Variants in RHBDD1 observed in about 807,000 individuals in gnomAD.
RHBDD1 encodes the protein rhomboid-related protein 4.
Under a neutral mutation model 36.3 loss-of-function variants are expected in RHBDD1, and 38 were observed. The observed-to-expected ratio is 1.05, with a 90% confidence interval of 0.81 to 1.37. The LOEUF (loss-of-function observed/expected upper bound fraction) is 1.37. RHBDD1 is among the 40% of genes most tolerant of loss of function. The pLI is 0.00. For missense variants in RHBDD1, 393 were observed against 377.6 expected (o/e 1.04, Z -0.34); for synonymous variants, 151 against 136.5 (o/e 1.11, Z -0.74).
intron 3 of RHBDD1, among the ~76,000 whole-genome samples, chr2:226,860,447 A>G (rs1166705441): frequency 6.6e-6 from 1 of 152,178 alleles, no homozygotes; most frequent in African/African-American, 2.4e-5. Context: ...ATTTCTATGT[A>G]TTTGATGGGC....
At chr2:226,850,482 A>C (rs1054079227) in intron 3 of RHBDD1, among the ~76,000 whole-genome samples, 1 of 152,100 alleles carries the variant, frequency 6.6e-6, no homozygotes, top group Non-Finnish European at 1.5e-5. Flanking sequence ...GATTTATGGC[A>C]TCAGAATGAC....
rs13418137 is a variant in RHBDD1 at position 226,907,787 on chromosome 2, C to T, written c.655+906C>T. On this transcript the variant is annotated intron_variant, in intron 6 of 8. Transcript: ENST00000392062. ...ATTTAAGCAGATCCTCATTTTCCCA[C>T]GTTTGCTTATTAATGTGTTTCCACT... Among the ~76,000 whole-genome samples the T allele has an allele frequency of 4.7e-3, 711 of 152,252 alleles. 6 individuals carry two copies. Among genetic ancestry groups the T allele is most frequent in the African/African-American group, 0.016 (672 of 41,554 alleles).
At chr2:226,990,957 A>G (rs1336571617) in intron 8 of RHBDD1, among the ~76,000 whole-genome samples, 1 of 152,180 alleles carries the variant, frequency 6.6e-6, no homozygotes, top group East Asian at 1.9e-4. Context: ...TTAAGCAGAG[A>G]AAAGAAGATC....
intron 8 of RHBDD1, among the ~76,000 whole-genome samples, chr2:226,953,741 T>C (rs1394327659): frequency 6.6e-6 from 1 of 152,238 alleles, no homozygotes. Context: ...GAGAAGCATC[T>C]GTGAACAACT....
At chr2:226,992,199 GAGACTGAGTGGACAGCCAGGA>G (rs1958384326) in intron 8 of RHBDD1, among the ~76,000 whole-genome samples, 1 of 152,230 alleles carries the variant, frequency 6.6e-6, no homozygotes, top group Non-Finnish European at 1.5e-5. Context: ...GAGTGTACCT[GAGACTGAGTGGACAGCCAGGA>G]AGCCTTGTGC....
At chr2:226,955,331 G>A (rs967095805) in intron 8 of RHBDD1, among the ~76,000 whole-genome samples, 5 of 152,250 alleles carry the variant, frequency 3.3e-5, no homozygotes, top group Non-Finnish European at 7.3e-5. Context: ...AAAGTTTGCG[G>A]TGTTTTGCAT....
chr2:226,924,624 C>T (rs1949549861), intron 8 of RHBDD1, among the ~76,000 whole-genome samples: 2 of 152,158 alleles, frequency 1.3e-5, no homozygotes, highest in African/African-American at 4.8e-5. Flanking sequence ...GACTACCTTT[C>T]AAGTTTATTT....
chr2:226,902,395 C>G (rs1559249985), intron 5 of RHBDD1, among the ~76,000 whole-genome samples: 1 of 152,156 alleles, frequency 6.6e-6, no homozygotes, highest in Non-Finnish European at 1.5e-5. Flanking sequence ...GGTAAAGTGC[C>G]CTAACCCTAG....
chr2:226,829,973 T>C, the RHBDD1 span, among the ~76,000 whole-genome samples: 2 of 151,888 alleles, frequency 1.3e-5, no homozygotes, highest in East Asian at 1.9e-4. Flanking sequence ...ATATTGACTG[T>C]AGGTTTTTTT....
At chr2:226,942,233 G>A (rs577866584) in intron 8 of RHBDD1, among the ~76,000 whole-genome samples, 26 of 142,526 alleles carry the variant, frequency 1.8e-4, no homozygotes, top group African/African-American at 6.9e-4. Flanking sequence ...ATTGGCTGTC[G>A]TGATCATCTT....
At chr2:226,879,246 G>A (rs1945507997) in intron 5 of RHBDD1, among the ~76,000 whole-genome samples, 1 of 152,148 alleles carries the variant, frequency 6.6e-6, no homozygotes, top group Non-Finnish European at 1.5e-5. Flanking sequence ...GCTTTAAACT[G>A]GCTACTAGTT....
intron 8 of RHBDD1, chr2:226,969,082 G>T: frequency 4.9e-6 from 1 of 206,020 alleles, no homozygotes; most frequent in African/African-American, 2.3e-5. Flanking sequence ...AATGTGAGAT[G>T]GGCTCCACCA....
chr2:226,970,963 C>T (rs1307848927), intron 8 of RHBDD1, among the ~76,000 whole-genome samples: 2 of 152,160 alleles, frequency 1.3e-5, no homozygotes, highest in Admixed American at 1.3e-4. Context: ...TCCTATCTGT[C>T]CCACAGATCC....
chr2:226,996,451 C>A lies in RHBDD1; in HGVS notation c.*929C>A, dbSNP rs887453735. Reference sequence around the variant, plus strand: ...CACGCCCTTGGGCCCCGCCACGTTACAATCCACAGATTGTCTGTCTGAGTC... The same window carrying A: ...CACGCCCTTGGGCCCCGCCACGTTAAAATCCACAGATTGTCTGTCTGAGTC... On this transcript the variant is annotated 3_prime_UTR_variant, in exon 9 of 9. Transcript: ENST00000392062. The A allele has an allele frequency of 3.9e-5, 6 of 152,248 alleles. No homozygotes were observed. Among genetic ancestry groups the A allele is most frequent in the African/African-American group, 1.2e-4 (5 of 41,456 alleles). 9.4% of individuals were successfully genotyped at this position (152,248 alleles called of 1,614,324 possible).
chr2:226,963,557 G>C (rs1952386649), intron 8 of RHBDD1, among the ~76,000 whole-genome samples: 1 of 152,068 alleles, frequency 6.6e-6, no homozygotes, highest in African/African-American at 2.4e-5. Flanking sequence ...TTCCTTTCCA[G>C]TTCATTGATT....
chr2:226,810,940 C>T, the RHBDD1 span: 1 of 152,050 alleles, frequency 6.6e-6, no homozygotes, highest in Non-Finnish European at 1.5e-5. Context: ...AGGACTCATC[C>T]CACCTTTGCC....
chr2:226,836,612 G>T (rs80264325), intron 1 of RHBDD1, among the ~76,000 whole-genome samples: 1,962 of 152,288 alleles, frequency 0.013, 46 homozygotes, highest in African/African-American at 0.045. Context: ...ACGTTTACAA[G>T]AAACGGATCA....
intron 8 of RHBDD1, among the ~76,000 whole-genome samples, chr2:226,922,774 G>T (rs966510958): frequency 6.6e-6 from 1 of 151,596 alleles, no homozygotes; most frequent in South Asian, 2.1e-4. Flanking sequence ...TATTTTTTGT[G>T]TATCTGTTGT....
At chr2:226,954,903 C>T (rs1951685805) in intron 8 of RHBDD1, among the ~76,000 whole-genome samples, 1 of 151,788 alleles carries the variant, frequency 6.6e-6, no homozygotes, top group African/African-American at 2.4e-5. Flanking sequence ...AATACATGTT[C>T]ATACACGTAT....
Sources: gnomAD v4.1 joint callset for allele counts (sites outside exome capture counted in the v4.1 genomes callset) on GRCh38, gnomAD v4.1.1 for gene constraint, MANE v1.5 for transcripts, NCBI Gene and HGNC (gene_info 2026-07-23, HGNC 2026-07-21) for gene names.